Variants in TG observed in about 807,000 individuals in gnomAD.
The protein encoded by TG is thyroid hormones.
A neutral mutation model predicts 324.7 loss-of-function variants in TG; 270 were observed. The observed-to-expected ratio is 0.83, with a 90% CI of 0.75 to 0.92. The LOEUF (loss-of-function observed/expected upper bound fraction) is 0.92, where lower values mean the gene tolerates loss of function less well. TG is among the 40% of genes least tolerant of loss of function. TG has a pLI of 0.00. For synonymous variants in TG, 1,401 were observed against 1,327.0 expected, an observed-to-expected ratio of 1.06 and a Z score of -1.21; for missense variants, 3,591 against 3,456.4, an observed-to-expected ratio of 1.04 and a Z score of -0.98.
At chr8:133,087,964 G>T (rs764364363) in intron 41 of TG, 1 of 152,170 alleles carries the variant, frequency 6.6e-6, no homozygotes, top group Non-Finnish European at 1.5e-5. Context: ...TGAGTGTACC[G>T]CAAATTCTTC....
At chr8:133,051,623 G>A (rs1840426815) in intron 41 of TG, among the ~76,000 whole-genome samples, 1 of 152,180 alleles carries the variant, frequency 6.6e-6, no homozygotes, top group African/African-American at 2.4e-5. Flanking sequence ...GAATTCTGGT[G>A]AAGTTTTGAA....
Position 132,891,696 on chromosome 8 carries a change from A to C in TG, c.2762-1994A>C, listed in dbSNP as rs559995541. ...TAGATTTTCACTTTATCCTGGAAGA[A>C]ATGTAGAGCAAGCTGAGGTTTTTAA... On this transcript the variant is annotated intron_variant, in intron 10 of 47. Coordinates refer to ENST00000220616, the MANE Select transcript of TG (RefSeq NM_003235.5). Among the ~76,000 whole-genome samples the C allele has an allele frequency of 4.6e-5, 7 of 152,314 alleles. No homozygotes were observed. In the South Asian group the frequency reaches 1.0e-3, roughly 23 times the overall value.
At chr8:132,968,844 G>A (rs1047656870) in intron 31 of TG, among the ~76,000 whole-genome samples, 1 of 152,108 alleles carries the variant, frequency 6.6e-6, no homozygotes, top group Non-Finnish European at 1.5e-5. Context: ...AATGTCGGGG[G>A]GACACCTCAA....
At chr8:133,076,070 CAG>C (rs1844814735) in intron 41 of TG, 1 of 152,142 alleles carries the variant, frequency 6.6e-6, no homozygotes, top group South Asian at 2.1e-4. Flanking sequence ...ATTGATGAAA[CAG>C]GTAAAATTTC....
At position 132,887,400 on chromosome 8, in the gene TG, G is replaced by A. The variant is rs1335835882; in HGVS notation, c.2028G>A (p.Gln676=). 10 of 1,614,096 alleles carry A rather than the reference G, an allele frequency of 6.2e-6. No individual in the cohort carries two copies. Among genetic ancestry groups the A allele is most frequent in the African/African-American group, 1.3e-5 (1 of 74,936 alleles). Residue 676 remains glutamine, a synonymous_variant, in exon 9 of 48, where the codon CAG becomes CAA. Transcript: ENST00000220616. The part of the protein sequence containing the change: ...RARMQSLMGS[Q]PAGSTLFVPA... ...GCATGCAAAGCCTCATGGGCAGCCA[G>A]CCTGCTGGCTCCACCTTGTTTGTCC...
intron 29 of TG, 132 bp downstream of exon 29, chr8:132,963,206 C>T: frequency 2.2e-6 from 2 of 902,060 alleles, no homozygotes; most frequent in Non-Finnish European, 3.6e-6. Context: ...CTCCTTTAAT[C>T]TTTTAACCCA....
intron 34 of TG, 62 bp from the exon 35 acceptor site, chr8:132,983,288 T>C (rs2130690265): frequency 1.6e-5 from 25 of 1,558,014 alleles, no homozygotes; most frequent in Non-Finnish European, 2.1e-5. Context: ...TATTAATGCC[T>C]TCTGAACTCG....
At chr8:132,939,868 G>T (rs1156823991) in intron 25 of TG, among the ~76,000 whole-genome samples, 1 of 151,966 alleles carries the variant, frequency 6.6e-6, no homozygotes, top group Non-Finnish European at 1.5e-5. Flanking sequence ...GTAGAGACGG[G>T]GTTTCACCAT....
Position 132,908,263 on chromosome 8 carries a change from G to A in TG, c.3925G>A (p.Asp1309Asn). The A allele has an allele frequency of 6.2e-7, 1 of 1,613,978 alleles. No homozygotes were observed. ...CCCGCCGGGCAAGATGTGCAGTGCTGACTACGCGGATTTGCTGCAGACTTT... is the reference window on the plus strand; with the variant it reads ...CCCGCCGGGCAAGATGTGCAGTGCTAACTACGCGGATTTGCTGCAGACTTT... ...QLPPGKMCSA[D>N]YADLLQTFQV... The change falls in exon 18 of 48, where the codon GAC becomes AAC. Residue 1309 changes from aspartate to asparagine, a missense_variant. By Grantham distance (23) the Asp-to-Asn change is conservative (BLOSUM62 1). Coordinates refer to ENST00000220616, the MANE Select transcript of TG (RefSeq NM_003235.5).
At chr8:133,047,005 A>C (rs568508009) in intron 41 of TG, 1 of 152,306 alleles carries the variant, frequency 6.6e-6, no homozygotes, top group East Asian at 1.9e-4. Context: ...AATTTTAAAA[A>C]AGTTATTATT....
In TG at chr8:132,972,749, C is replaced by A. The variant is rs139957020; in HGVS notation, c.6199+8C>A. On this transcript the variant is annotated splice_region_variant and intron_variant, in intron 34 of 47. Coordinates refer to ENST00000220616, the MANE Select transcript of TG (RefSeq NM_003235.5). ...GATGGTACCAGAAGCCCAGTAAGTACCCTTCTCATGACAGCTATATGGACG... is the reference window on the plus strand; with the variant it reads ...GATGGTACCAGAAGCCCAGTAAGTAACCTTCTCATGACAGCTATATGGACG... The A allele has an allele frequency of 2.1e-4, 343 of 1,613,984 alleles. No homozygotes were observed. The African/African-American group carries it at 3.0e-3, about 14-fold the overall frequency.
chr8:133,126,483 G>A (rs1226386691), intron 45 of TG, among the ~76,000 whole-genome samples: 1 of 149,908 alleles, frequency 6.7e-6, no homozygotes, highest in Non-Finnish European at 1.5e-5. Context: ...CAAGATAGTT[G>A]AAAGTTTTGA....
chr8:132,962,944 G>A, intron 28 of TG, 50 bp from the exon 29 acceptor site: 1 of 1,558,038 alleles, frequency 6.4e-7, no homozygotes, highest in Non-Finnish European at 8.9e-7. Context: ...GACCAGTGGA[G>A]TACTACCCAT....
At chr8:132,974,036 C>A (rs534755005) in intron 34 of TG, among the ~76,000 whole-genome samples, 16 of 147,208 alleles carry the variant, frequency 1.1e-4, no homozygotes, top group African/African-American at 3.8e-4. Flanking sequence ...TCTTGTCACC[C>A]GGGCTGGAGT....
At chr8:133,050,566 T>C (rs543331033) in intron 41 of TG, 3 of 428,142 alleles carry the variant, frequency 7.0e-6, no homozygotes, top group African/African-American at 6.1e-5. Context: ...AGAGGCTGGA[T>C]CATAAAGGAT....
At chr8:133,134,458 C>T (rs970951414) in intron 47 of TG, among the ~76,000 whole-genome samples, 1 of 152,220 alleles carries the variant, frequency 6.6e-6, no homozygotes, top group African/African-American at 2.4e-5. Flanking sequence ...GGCTGAGTGT[C>T]TGTCTGCTGA....
At chr8:132,910,262 C>T (rs1819319539) in intron 18 of TG, among the ~76,000 whole-genome samples, 1 of 151,600 alleles carries the variant, frequency 6.6e-6, no homozygotes, top group Non-Finnish European at 1.5e-5. Flanking sequence ...AGGGCCCTGT[C>T]TGCATTCTGA....
chr8:133,010,241 TC>T (rs1319590521), intron 35 of TG, among the ~76,000 whole-genome samples: 4 of 152,184 alleles, frequency 2.6e-5, no homozygotes, highest in Non-Finnish European at 5.9e-5. Context: ...AGTTTCTGAC[TC>T]CTCCTCTGTG....
At position 132,993,570 on chromosome 8, in the gene TG, TC is replaced by T. The variant is rs112780995; in HGVS notation, c.6262+10160del. On this transcript the variant is annotated intron_variant, in intron 35 of 47. Coordinates refer to ENST00000220616, the MANE Select transcript of TG (RefSeq NM_003235.5). ...TCATGCACTACCAGTTCTAATGGGG[TC>T]CTTTCACAGGTAATCTTTGTAAATG... Among the ~76,000 whole-genome samples the T allele has an allele frequency of 3.7e-3, 571 of 152,298 alleles. 5 individuals carry two copies. Among genetic ancestry groups the T allele is most frequent in the African/African-American group, 0.013 (543 of 41,554 alleles).
Sources: gnomAD v4.1 joint callset for allele counts (sites outside exome capture counted in the v4.1 genomes callset) on GRCh38, gnomAD v4.1.1 for gene constraint, MANE v1.5 for transcripts, NCBI Gene and HGNC (gene_info 2026-07-23, HGNC 2026-07-21) for gene names.